The following LRCH3 variants were observed in gnomAD, a reference collection of about 807,000 sequenced individuals.
The protein encoded by LRCH3 is DISP complex protein LRCH3.
Under a neutral mutation model 104.5 loss-of-function variants are expected in LRCH3, and 68 were observed. The ratio of observed to expected loss-of-function variants is 0.65; its 90% CI spans 0.54 to 0.80. LRCH3 has a LOEUF of 0.80. LRCH3 is among the 30% of genes least tolerant of loss of function. The probability of loss-of-function intolerance (pLI) is 0.00; values close to 1 mark genes in which losing one functional copy is unlikely to be tolerated. For synonymous variants in LRCH3, 344 were observed against 361.3 expected (o/e 0.95, Z 0.54); for missense variants, 951 against 953.9 (o/e 1.00, Z 0.04).
intron 10 of LRCH3, among the ~76,000 whole-genome samples, chr3:197,844,727 C>T (rs1158666269): frequency 2.0e-5 from 3 of 152,150 alleles, no homozygotes; most frequent in Non-Finnish European, 4.4e-5. Context: ...AAGCGATTCC[C>T]CTGCCTCAGC....
At chr3:197,879,537 T>G (rs910256722) in intron 20 of LRCH3, among the ~76,000 whole-genome samples, 1 of 151,528 alleles carries the variant, frequency 6.6e-6, no homozygotes, top group African/African-American at 2.4e-5. Flanking sequence ...TCCCAGCTGC[T>G]CGGGAGGCTG....
intron 4 of LRCH3, chr3:197,823,471 T>C (rs1734740148): frequency 6.6e-6 from 1 of 151,922 alleles, no homozygotes; most frequent in African/African-American, 2.4e-5. Context: ...CAAAAGTATG[T>C]ACCTTCATTA....
chr3:197,833,449 A>C (rs145846007), intron 8 of LRCH3, among the ~76,000 whole-genome samples: 2,674 of 145,262 alleles, frequency 0.018, 79 homozygotes, highest in African/African-American at 0.064. Context: ...GAGGCAGGAG[A>C]ATCACTTGAA....
At chr3:197,850,782 A>G (rs781440058) in intron 12 of LRCH3, 32 of 1,242,972 alleles carry the variant, frequency 2.6e-5, no homozygotes, top group Non-Finnish European at 3.8e-5. Flanking sequence ...TCGGAATGGT[A>G]CACGCTGTTT....
intron 19 of LRCH3, among the ~76,000 whole-genome samples, chr3:197,874,378 C>G (rs994273234): frequency 6.6e-6 from 1 of 152,228 alleles, no homozygotes; most frequent in African/African-American, 2.4e-5. Context: ...ATCTAGGCCA[C>G]GGGCTCCTTA....
intron 12 of LRCH3, chr3:197,851,058 C>T (rs1739526799): frequency 4.4e-6 from 3 of 681,230 alleles, no homozygotes; most frequent in Non-Finnish European, 8.1e-6. Context: ...AGATTAAATA[C>T]TCAGGAAGTG....
rs1424707099 is a variant in LRCH3 at position 197,849,505 on chromosome 3, A to G, written c.1530+1484A>G. On this transcript the variant is annotated intron_variant, in intron 12 of 20. Coordinates refer to ENST00000425562, the MANE Select transcript of LRCH3 (RefSeq NM_001365715.1). ...CTGTCATTGTATTTTCACACAAGTC[A>G]TCTAATACTATACATACTATATCTC... Among the ~76,000 whole-genome samples the G allele has an allele frequency of 2.0e-5, 3 of 152,200 alleles. No homozygotes were observed. In the East Asian group the frequency reaches 5.8e-4, roughly 29 times the overall value.
intron 10 of LRCH3, among the ~76,000 whole-genome samples, chr3:197,843,414 G>A (rs1302893148): frequency 1.3e-5 from 2 of 152,198 alleles, no homozygotes; most frequent in Non-Finnish European, 2.9e-5. Context: ...CTGGCCGGGT[G>A]TAATACACCT....
At chr3:197,836,671 G>C (rs1380619506) in intron 9 of LRCH3, among the ~76,000 whole-genome samples, 1 of 152,192 alleles carries the variant, frequency 6.6e-6, no homozygotes, top group Non-Finnish European at 1.5e-5. Context: ...ACATGTTGTA[G>C]AGTGATATTA....
chr3:197,824,859 T>C (rs147106431), intron 4 of LRCH3, among the ~76,000 whole-genome samples: 2,422 of 152,248 alleles, frequency 0.016, 29 homozygotes, highest in Non-Finnish European at 0.022. Context: ...CGTGAGCCAC[T>C]GCACCTGGCC....
Position 197,848,663 on chromosome 3 carries a change from A to G in LRCH3, c.1530+642A>G, listed in dbSNP as rs963402847. The stretch of plus-strand genomic sequence containing the variant: ...ATCTGTAAACTCCATGAAGGTAAGA[A>G]CCATGTCTGTTTTACTTACTGCTGT... On this transcript the variant is annotated intron_variant, in intron 12 of 20. Coordinates refer to ENST00000425562, the MANE Select transcript of LRCH3 (RefSeq NM_001365715.1). Among the ~76,000 whole-genome samples, 4 of 152,236 alleles carry G rather than the reference A, an allele frequency of 2.6e-5. 1 individual carries two copies. The East Asian group carries it at 7.7e-4, about 29-fold the overall frequency.
intron 1 of LRCH3, among the ~76,000 whole-genome samples, chr3:197,800,975 A>G (rs1177331614): frequency 6.6e-6 from 1 of 151,876 alleles, no homozygotes; most frequent in Non-Finnish European, 1.5e-5. Flanking sequence ...GGCGCCTGTA[A>G]TTTTAGCTAC....
At chr3:197,855,574 T>G (rs935355136) in intron 14 of LRCH3, among the ~76,000 whole-genome samples, 3 of 152,202 alleles carry the variant, frequency 2.0e-5, no homozygotes, top group African/African-American at 7.2e-5. Flanking sequence ...TCTGTCTGGC[T>G]GATGGGAGAA....
rs1049310717 is a variant in LRCH3, at chr3:197,810,006, A to G, written c.263-4902A>G. On this transcript the variant is annotated intron_variant, in intron 1 of 20. Coordinates refer to ENST00000425562, the MANE Select transcript of LRCH3 (RefSeq NM_001365715.1). The surrounding 1 kb of genome is among the most constrained non-coding windows in gnomAD (Gnocchi z 4.0). Reference sequence around the variant, plus strand: ...GCAAGGATGGAAATTTAGGATCCCCACGTAACCTTTGAGTAGGGGTGAGGC... The same window carrying G: ...GCAAGGATGGAAATTTAGGATCCCCGCGTAACCTTTGAGTAGGGGTGAGGC... Among the ~76,000 whole-genome samples, 10 of 152,154 alleles carry G rather than the reference A, an allele frequency of 6.6e-5. No homozygotes were observed. Among genetic ancestry groups the G allele is most frequent in the Admixed American group, 3.9e-4 (6 of 15,272 alleles).
rs1474976827 is a variant in LRCH3, at chr3:197,828,362, G to A, written c.778-1202G>A. Among the ~76,000 whole-genome samples, 3 of 150,524 alleles carry A rather than the reference G, an allele frequency of 2.0e-5. No homozygotes were observed. The Middle Eastern group carries it at 0.01, about 515-fold the overall frequency. On this transcript the variant is annotated intron_variant, in intron 5 of 20. Coordinates refer to ENST00000425562, the MANE Select transcript of LRCH3 (RefSeq NM_001365715.1). ...AGCTCTTTTATTTTTTTATTTTTTT[G>A]TGAGAAGGAGTCTCGCTCTGTTGCC...
chr3:197,820,085 G>T (rs1187048282), intron 3 of LRCH3, among the ~76,000 whole-genome samples: 3 of 152,156 alleles, frequency 2.0e-5, no homozygotes, highest in African/African-American at 7.2e-5. Context: ...TGTTAATGTG[G>T]CAGCTTCCCT....
chr3:197,880,814 C>A, intron 20 of LRCH3: 1 of 1,515,516 alleles, frequency 6.6e-7, no homozygotes, highest in Non-Finnish European at 8.8e-7. Context: ...TTTCTCCCTG[C>A]TGGCCCTCAA....
chr3:197,840,311 G>T (rs951435968), intron 10 of LRCH3, among the ~76,000 whole-genome samples: 1 of 152,070 alleles, frequency 6.6e-6, no homozygotes, highest in Admixed American at 6.6e-5. Context: ...GGTGGCACAC[G>T]CCTGTAATTC....
In LRCH3 at chr3:197,854,696, G is replaced by A. The variant is rs1740032111; in HGVS notation, c.1644+251G>A. Among the ~76,000 whole-genome samples, 1 of 152,110 alleles carries A rather than the reference G, an allele frequency of 6.6e-6. No homozygotes were observed. The highest frequency in any genetic ancestry group is 2.4e-5 in the African/African-American group (1 of 41,422). On this transcript the variant is annotated intron_variant, in intron 14 of 20. Coordinates refer to ENST00000425562, the MANE Select transcript of LRCH3 (RefSeq NM_001365715.1). The surrounding 1 kb of genome is among the most constrained non-coding windows in gnomAD (Gnocchi z 4.5). Reference sequence around the variant, plus strand: ...GAACCATATTGGCTTTGTGTGTGCTGGGAATGGAGGCATAACATAATATTC... The same window carrying A: ...GAACCATATTGGCTTTGTGTGTGCTAGGAATGGAGGCATAACATAATATTC...
Sources: allele counts gnomAD v4.1 joint callset (sites outside exome capture counted in the v4.1 genomes callset), GRCh38; gene constraint gnomAD v4.1.1; non-coding constraint Gnocchi (gnomAD v3.1); transcripts MANE v1.5; gene names NCBI Gene and HGNC (gene_info 2026-07-23, HGNC 2026-07-21).